Variants in SAYSD1 observed in about 807,000 individuals in gnomAD.
The protein encoded by SAYSD1 is SAYSvFN domain-containing protein 1.
SAYSD1 carries 15 observed loss-of-function variants against 14.5 expected under a neutral mutation model. The ratio of observed to expected loss-of-function variants is 1.03; its 90% CI spans 0.69 to 1.59. The LOEUF is 1.59. Ranked by LOEUF, SAYSD1 falls within the 40% of genes most tolerant of loss-of-function variation. The probability of loss-of-function intolerance (pLI) is 0.00; values close to 1 mark genes in which losing one functional copy is unlikely to be tolerated. For synonymous variants in SAYSD1, 105 were observed against 102.6 expected (o/e 1.02, Z -0.14); for missense variants, 247 against 227.3 (o/e 1.09, Z -0.56).
chr6:39,106,990 A>C (rs1465938179), intron 1 of SAYSD1, among the ~76,000 whole-genome samples: 2 of 152,234 alleles, frequency 1.3e-5, no homozygotes, highest in African/African-American at 4.8e-5. Context: ...AAGTTTCACA[A>C]GTCAACACTT....
At chr6:39,105,994 A>G (rs983609773) in intron 1 of SAYSD1, among the ~76,000 whole-genome samples, 6 of 152,182 alleles carry the variant, frequency 3.9e-5, no homozygotes, top group Non-Finnish European at 7.4e-5. Context: ...ATGTGACCTA[A>G]TAAAAGCCCT....
intron 1 of SAYSD1, chr6:39,109,374 T>C (rs939607519): frequency 2.1e-5 from 33 of 1,550,666 alleles, no homozygotes; most frequent in Non-Finnish European, 2.8e-5. Context: ...AAACTGCTTT[T>C]CTCCAAGCAA....
chr6:39,109,626 G>A (rs1191236715), intron 1 of SAYSD1: 5 of 1,248,290 alleles, frequency 4.0e-6, no homozygotes, highest in Non-Finnish European at 5.1e-6. Flanking sequence ...TTCATCTGTA[G>A]ATGGACAGGA....
At chr6:39,109,447 C>T (rs556680603) in intron 1 of SAYSD1, 27 of 1,541,842 alleles carry the variant, frequency 1.8e-5, no homozygotes, top group African/African-American at 9.6e-5. Flanking sequence ...AAAGATGCAG[C>T]GGCATTGTCA....
intron 1 of SAYSD1, among the ~76,000 whole-genome samples, chr6:39,107,435 AGATT>A (rs1769526898): frequency 6.6e-6 from 1 of 150,994 alleles, no homozygotes; most frequent in Admixed American, 6.6e-5. Flanking sequence ...GTATGATGCC[AGATT>A]GTTTAAGTAC....
In SAYSD1 at chr6:39,113,407, T is replaced by C. The variant is rs564669810; in HGVS notation, c.207+1476A>G. The C allele has an allele frequency of 4.6e-5, 7 of 152,782 alleles. No individual in the cohort carries two copies. The East Asian group carries it at 1.3e-3, about 29-fold the overall frequency. The allele number at this position is 152,782 out of a possible 1,614,324, so 9.5% of individuals were successfully genotyped here. A position where few individuals can be genotyped will look rare whatever the true frequency, so the allele number is the denominator to read the frequency against. Reference sequence around the variant, plus strand: ...ATGAATTGTAAATTAGACTTTTTCTTTTCTAAACTAGAGGCAGAATCTGAA... The same window carrying C: ...ATGAATTGTAAATTAGACTTTTTCTCTTCTAAACTAGAGGCAGAATCTGAA... On this transcript the variant is annotated intron_variant, in intron 1 of 1. Coordinates refer to ENST00000229903, the MANE Select transcript of SAYSD1 (RefSeq NM_018322.3).
In SAYSD1 at chr6:39,115,081, C is replaced by T; in HGVS notation, c.9G>A (p.Gln3=). 1.9e-6 allele frequency: 3 copies of T among 1,605,972 alleles called. No individual in the cohort carries two copies. The highest frequency in any genetic ancestry group is 2.5e-6 in the Non-Finnish European group (3 of 1,179,176). Residue 3 remains glutamine (Q), a synonymous_variant, in exon 1 of 2, where the codon CAG becomes CAA. Coordinates refer to ENST00000229903, the MANE Select transcript of SAYSD1 (RefSeq NM_018322.3). Reference sequence around the variant, plus strand: ...GCGCCGCCCGAAACTCAGCTAACCGCTGTTCCATGGCGCGCGCCTCGCGTC... The same window carrying T: ...GCGCCGCCCGAAACTCAGCTAACCGTTGTTCCATGGCGCGCGCCTCGCGTC... ME[Q]RLAEFRAARK...
rs111588790 is a variant in SAYSD1, at chr6:39,105,341, G to T, written c.*91C>A. 3.8e-6 allele frequency: 4 copies of T among 1,054,532 alleles called. No homozygotes were observed. The highest frequency in any genetic ancestry group is 2.1e-5 in the Admixed American group (1 of 47,184). 65.3% of individuals were successfully genotyped at this position (1,054,532 alleles called of 1,614,324 possible). On this transcript the variant is annotated 3_prime_UTR_variant, in exon 2 of 2. Transcript: ENST00000229903. ...CAGTCACAGAGCTAACCCGCAAGCT[G>T]CCCTTAGTCCTATACACCTGAAATC... is the stretch of plus-strand genomic sequence containing the variant.
In SAYSD1 at chr6:39,115,125, C is replaced by A; in HGVS notation, c.-36G>T. On this transcript the variant is annotated 5_prime_UTR_variant, in exon 1 of 2. Transcript: ENST00000229903. ...TCGCGTCCGTTGGCCGATAAGGGAG[C>A]GCGCGCCCGCAGGCCGCACAGCAGT... is the stretch of plus-strand genomic sequence containing the variant. The A allele has an allele frequency of 6.3e-7, 1 of 1,576,240 alleles. No individual in the cohort carries two copies. The highest frequency in any genetic ancestry group is 2.3e-5 in the East Asian group (1 of 43,996).
At chr6:39,112,268 T>TC (rs1306496985) in intron 1 of SAYSD1, 1 of 153,212 alleles carries the variant, frequency 6.5e-6, no homozygotes, top group Non-Finnish European at 1.5e-5. Flanking sequence ...AAAAACAGTA[T>TC]CCCAGTATGG....
chr6:39,107,673 C>T (rs1769530956), intron 1 of SAYSD1, among the ~76,000 whole-genome samples: 1 of 152,146 alleles, frequency 6.6e-6, no homozygotes, highest in African/African-American at 2.4e-5. Context: ...ATTATCTTTT[C>T]AGTTAGATTA....
At chr6:39,106,280 C>G (rs546977199) in intron 1 of SAYSD1, among the ~76,000 whole-genome samples, 1 of 152,170 alleles carries the variant, frequency 6.6e-6, no homozygotes, top group South Asian at 2.1e-4. Context: ...GTAATCCCAG[C>G]ACTTTGGGAG....
chr6:39,111,840 TC>T (rs1281660100), intron 1 of SAYSD1: 1 of 151,534 alleles, frequency 6.6e-6, no homozygotes, highest in African/African-American at 2.4e-5. Context: ...GAAGGAGCTA[TC>T]CAAAACACAA....
At chr6:39,114,740 G>A (rs1769701967) in intron 1 of SAYSD1, 143 bp downstream of exon 1, 2 of 758,790 alleles carry the variant, frequency 2.6e-6, no homozygotes, top group Non-Finnish European at 2.2e-6. Flanking sequence ...TGTGGCCGGA[G>A]ATGAGCGGTC....
chr6:39,114,179 C>G (rs1769685306), intron 1 of SAYSD1, among the ~76,000 whole-genome samples: 1 of 152,272 alleles, frequency 6.6e-6, no homozygotes, highest in South Asian at 2.1e-4. Flanking sequence ...TTCAACCTCA[C>G]TGCAAGCCAC....
In SAYSD1 at chr6:39,114,999, G is replaced by A; in HGVS notation, c.91C>T (p.Pro31Ser). 6.2e-7 allele frequency: 1 copy of A among 1,613,770 alleles called. No individual in the cohort carries two copies. The highest frequency in any genetic ancestry group is 8.5e-7 in the Non-Finnish European group (1 of 1,179,928). The change falls in exon 1 of 2, where the codon CCA becomes TCA. Residue 31 changes from proline to serine, a missense_variant. By Grantham distance (74) the Pro-to-Ser change is moderately conservative (BLOSUM62 -1). Coordinates refer to ENST00000229903, the MANE Select transcript of SAYSD1 (RefSeq NM_018322.3). ...GCTGCTGCTTCCGCCTTCTCTCCTG[G>A]GGTTTGTGCGCCCTGACTGGCAGCA... The part of the protein sequence containing the change: ...PPAASQGAQT[P>S]GEKAEAAATL...
rs201937753 is a variant in SAYSD1, at chr6:39,109,345, G to A, written c.208-3569C>T. On this transcript the variant is annotated intron_variant, in intron 1 of 1. Transcript: ENST00000229903. Reference sequence around the variant, plus strand: ...TTTTGTCCTAATGTGGAAGAAGCTCGTCACAGAATTATTTCAGGAAACTGC... The same window carrying A: ...TTTTGTCCTAATGTGGAAGAAGCTCATCACAGAATTATTTCAGGAAACTGC... The A allele has an allele frequency of 4.8e-4, 744 of 1,551,040 alleles. 1 individual carries two copies. The highest frequency in any genetic ancestry group is 5.6e-4 in the Non-Finnish European group (639 of 1,147,086).
intron 1 of SAYSD1, 145 bp from the exon 2 acceptor site, chr6:39,105,921 T>C: frequency 1.4e-6 from 1 of 714,314 alleles, no homozygotes; most frequent in Non-Finnish European, 2.3e-6. Flanking sequence ...TCTAAAACAA[T>C]CATCTCCAAA....
At position 39,110,014 on chromosome 6, in the gene SAYSD1, C is replaced by A. The variant is rs550132706; in HGVS notation, c.208-4238G>T. On this transcript the variant is annotated intron_variant, in intron 1 of 1. Transcript: ENST00000229903. ...GGTTTCTCCACATGGCTGCAAATGA[C>A]AGGATTTCATCCACTTCTGTCGTGG... Among the ~76,000 whole-genome samples, 3 of 152,278 alleles carry A rather than the reference C, an allele frequency of 2.0e-5. No homozygotes were observed. The South Asian group carries it at 6.2e-4, about 32-fold the overall frequency.
Sources: gnomAD v4.1 joint callset for allele counts (sites outside exome capture counted in the v4.1 genomes callset) on GRCh38, gnomAD v4.1.1 for gene constraint, MANE v1.5 for transcripts, NCBI Gene and HGNC (gene_info 2026-07-23, HGNC 2026-07-21) for gene names.